Variants in RBFOX1 observed in about 807,000 individuals in gnomAD.
The protein encoded by RBFOX1 is RNA binding fox-1 homolog 1.
Under a neutral mutation model 57.7 loss-of-function variants are expected in RBFOX1, and 8 were observed. The ratio of observed to expected loss-of-function variants is 0.14; its 90% CI spans 0.08 to 0.25. The LOEUF is 0.25. Among genes scored for constraint, RBFOX1 ranks in the 10% least tolerant of loss-of-function variants. The probability of loss-of-function intolerance (pLI) is 1.00; values close to 1 mark genes in which losing one functional copy is unlikely to be tolerated. For missense variants in RBFOX1, 611 were observed against 548.5 expected (o/e 1.11, Z -1.14); for synonymous variants, 326 against 222.4 (o/e 1.47, Z -4.15).
At chr16:5,250,869 A>G (rs777123637) in intron 1 of RBFOX1, among the ~76,000 whole-genome samples, 4 of 152,112 alleles carry the variant, frequency 2.6e-5, no homozygotes, top group Non-Finnish European at 5.9e-5. Context: ...CTGTGCCTGC[A>G]TTTCTGTGAG....
intron 3 of RBFOX1, among the ~76,000 whole-genome samples, chr16:6,661,845 A>G (rs999206485): frequency 4.6e-5 from 7 of 152,198 alleles, no homozygotes; most frequent in Non-Finnish European, 1.0e-4. Flanking sequence ...TTCAACTTCT[A>G]ATTTTTTGAA....
At chr16:7,560,561 T>C (rs1318147247) in intron 5 of RBFOX1, among the ~76,000 whole-genome samples, 3 of 152,120 alleles carry the variant, frequency 2.0e-5, no homozygotes, top group Non-Finnish European at 4.4e-5. Flanking sequence ...AAATTGTTTT[T>C]TGGAACAGCC....
chr16:7,197,440 G>GAAAAAAAAA (rs57893229), intron 4 of RBFOX1, among the ~76,000 whole-genome samples: 3 of 91,322 alleles, frequency 3.3e-5, no homozygotes, highest in Non-Finnish European at 4.2e-5. Flanking sequence ...CCTGTGAGTG[G>GAAAAAAAAA]AAAAAAAAAA....
At chr16:5,339,456 G>A (rs1007915817) in intron 1 of RBFOX1, among the ~76,000 whole-genome samples, 2 of 84,680 alleles carry the variant, frequency 2.4e-5, no homozygotes. Context: ...AAAGCTAGAA[G>A]CTGCTTTTTC....
intron 3 of RBFOX1, among the ~76,000 whole-genome samples, chr16:5,624,598 C>G (rs919902188): frequency 1.3e-5 from 2 of 152,224 alleles, no homozygotes; most frequent in East Asian, 1.9e-4. Context: ...CCTCATCCCC[C>G]ACCTGGGAGG....
intron 3 of RBFOX1, among the ~76,000 whole-genome samples, chr16:6,899,008 C>T (rs1017954266): frequency 2.8e-5 from 2 of 71,716 alleles, no homozygotes; most frequent in Non-Finnish European, 4.9e-5. Flanking sequence ...TGCGTGTATG[C>T]ATGCGCGTCT....
At chr16:6,902,122 C>A (rs1482191316) in intron 3 of RBFOX1, among the ~76,000 whole-genome samples, 1 of 152,066 alleles carries the variant, frequency 6.6e-6, no homozygotes, top group Admixed American at 6.6e-5. Flanking sequence ...TACTTGAAAC[C>A]AGGAGTGCTG....
intron 11 of RBFOX1, among the ~76,000 whole-genome samples, chr16:7,653,338 C>A (rs1178327765): frequency 2.0e-5 from 3 of 152,034 alleles, no homozygotes; most frequent in African/African-American, 7.2e-5. Context: ...CCCATCTCTA[C>A]AAAACATGAA....
chr16:7,369,454 G>C (rs181078648), intron 4 of RBFOX1, among the ~76,000 whole-genome samples: 1 of 152,038 alleles, frequency 6.6e-6, no homozygotes, highest in Non-Finnish European at 1.5e-5. Flanking sequence ...ATATGTTCAC[G>C]CATGGAACCA....
At chr16:6,700,763 T>C (rs1006751670) in intron 3 of RBFOX1, among the ~76,000 whole-genome samples, 1 of 152,218 alleles carries the variant, frequency 6.6e-6, no homozygotes, top group Non-Finnish European at 1.5e-5. Context: ...ATTTCATTAC[T>C]ACATTTACCA....
chr16:6,191,716 A>T (rs1366646902), intron 1 of RBFOX1, among the ~76,000 whole-genome samples: 1 of 152,052 alleles, frequency 6.6e-6, no homozygotes, highest in Non-Finnish European at 1.5e-5. Context: ...AGATGTTTTG[A>T]CTTATTTAAC....
At chr16:7,155,712 AATATATAT>A (rs1186735495) in intron 4 of RBFOX1, among the ~76,000 whole-genome samples, 3 of 77,408 alleles carry the variant, frequency 3.9e-5, no homozygotes, top group South Asian at 4.2e-4. Context: ...AAAAAAAAAA[AATATATAT>A]ATATATATAT....
At chr16:5,462,370 G>C (rs202186205) in intron 1 of RBFOX1, among the ~76,000 whole-genome samples, 4 of 151,590 alleles carry the variant, frequency 2.6e-5, no homozygotes, top group African/African-American at 9.7e-5. Flanking sequence ...GGGTTTCACC[G>C]TGTTGGCCAG....
intron 4 of RBFOX1, among the ~76,000 whole-genome samples, chr16:5,962,680 T>C (rs1477608069): frequency 6.6e-6 from 1 of 152,182 alleles, no homozygotes; most frequent in African/African-American, 2.4e-5. Context: ...TCGTAGAAGG[T>C]GACTATTATT....
intron 1 of RBFOX1, among the ~76,000 whole-genome samples, chr16:5,307,267 G>A (rs2063962563): frequency 6.6e-6 from 1 of 152,136 alleles, no homozygotes; most frequent in Non-Finnish European, 1.5e-5. Flanking sequence ...CTCACACCAG[G>A]AGACTTTTCT....
At chr16:6,571,666 G>C (rs1450625636) in intron 2 of RBFOX1, among the ~76,000 whole-genome samples, 1 of 152,086 alleles carries the variant, frequency 6.6e-6, no homozygotes, top group East Asian at 1.9e-4. Flanking sequence ...GCCTGCTGAA[G>C]GCATGCCTCC....
chr16:6,808,630 A>T (rs2154264351), intron 3 of RBFOX1, among the ~76,000 whole-genome samples: 1 of 152,284 alleles, frequency 6.6e-6, no homozygotes, highest in South Asian at 2.1e-4. Context: ...AATTTTGAAT[A>T]GATAATAGAT....
intron 2 of RBFOX1, among the ~76,000 whole-genome samples, chr16:6,604,231 T>G (rs2097895082): frequency 6.6e-6 from 1 of 152,168 alleles, no homozygotes; most frequent in Non-Finnish European, 1.5e-5. Flanking sequence ...TAGGGAGCCA[T>G]GATAGGTGCA....
chr16:5,326,303 C>T (rs1236037976), intron 1 of RBFOX1, among the ~76,000 whole-genome samples: 5 of 151,856 alleles, frequency 3.3e-5, no homozygotes, highest in African/African-American at 1.2e-4. Flanking sequence ...ATGTGGGAGC[C>T]AGGTAATTCT....
Sources: allele counts gnomAD v4.1 joint callset (sites outside exome capture counted in the v4.1 genomes callset), GRCh38; gene constraint gnomAD v4.1.1; transcripts MANE v1.5; gene names NCBI Gene and HGNC (gene_info 2026-07-23, HGNC 2026-07-21).